UTRN: variants seen among roughly 807,000 people sequenced by gnomAD.
The protein encoded by UTRN is dystrophin-related protein 1.
Under a neutral mutation model 463.9 loss-of-function variants are expected in UTRN, and 283 were observed. The observed-to-expected ratio is 0.61, with a 90% CI of 0.55 to 0.67. The LOEUF (loss-of-function observed/expected upper bound fraction) is 0.67. UTRN is among the 30% of genes least tolerant of loss of function. The pLI is 0.00. For missense variants in UTRN, 3,922 were observed against 4,084.3 expected, an observed-to-expected ratio of 0.96 and a Z score of 1.08; for synonymous variants, 1,442 against 1,431.5, an observed-to-expected ratio of 1.01 and a Z score of -0.17.
rs373422658 is a variant in UTRN at position 144,511,088 on chromosome 6, C to T, written c.4909C>T (p.Arg1637Cys). 53 of 1,606,060 alleles carry T rather than the reference C, an allele frequency of 3.3e-5. No individual in the cohort carries two copies. Among genetic ancestry groups the T allele is most frequent in the East Asian group, 4.5e-5 (2 of 44,558 alleles). Reference protein sequence around the residue: ...CVLNAGWSRVRTWTEDWCNTL... With the variant: ...CVLNAGWSRVCTWTEDWCNTL... ...CCTTAACGCTGGGTGGAGCCGAGTT[C>T]GTACCTGGACTGAAGATTGGTGCAA... The change falls in exon 35 of 75, where the codon CGT becomes TGT. Residue 1637 changes from arginine (R) to cysteine (C), a missense_variant. Physicochemically the swap from Arg to Cys is radical, Grantham distance 180 (BLOSUM62 -3). Coordinates refer to ENST00000367545, the MANE Select transcript of UTRN (RefSeq NM_007124.3).
At chr6:144,306,383 G>A (rs1805739166) in intron 2 of UTRN, among the ~76,000 whole-genome samples, 1 of 152,070 alleles carries the variant, frequency 6.6e-6, no homozygotes, top group Admixed American at 6.5e-5. Flanking sequence ...CCAAAACTGA[G>A]ATTGAGGTAG....
chr6:144,301,367 T>C (rs1805229910), intron 2 of UTRN, among the ~76,000 whole-genome samples: 1 of 152,012 alleles, frequency 6.6e-6, no homozygotes, highest in Non-Finnish European at 1.5e-5. Flanking sequence ...TCGGAACACA[T>C]GCATATGCTT....
At chr6:144,465,024 G>C (rs1789800255) in intron 23 of UTRN, among the ~76,000 whole-genome samples, 1 of 152,180 alleles carries the variant, frequency 6.6e-6, no homozygotes, top group South Asian at 2.1e-4. Context: ...AAGACTTCCA[G>C]TGGGTAGAGG....
At chr6:144,471,083 G>A (rs1391689686) in intron 23 of UTRN, among the ~76,000 whole-genome samples, 1 of 115,712 alleles carries the variant, frequency 8.6e-6, no homozygotes, top group East Asian at 3.3e-4. Context: ...GGCGAGGGAG[G>A]GGGAGGGGGA....
At chr6:144,461,142 A>G in intron 21 of UTRN, 55 bp from the exon 22 acceptor site, 2 of 1,451,160 alleles carry the variant, frequency 1.4e-6, no homozygotes, top group South Asian at 2.9e-5. Flanking sequence ...TGGTCTATGT[A>G]ATAATATTGG....
intron 52 of UTRN, among the ~76,000 whole-genome samples, chr6:144,682,686 T>C (rs1230657076): frequency 6.6e-6 from 1 of 152,202 alleles, no homozygotes; most frequent in African/African-American, 2.4e-5. Flanking sequence ...TTTAACTAGA[T>C]TAGGTAAGTT....
rs982030909 is a variant in UTRN at position 144,782,176 on chromosome 6, A to G, written c.8834+53A>G. Reference sequence around the variant, plus strand: ...TACGATCACTGAATGAAATATGTTAATAGAAAATGTCTGATTTTTAAGTGA... The same window carrying G: ...TACGATCACTGAATGAAATATGTTAGTAGAAAATGTCTGATTTTTAAGTGA... On this transcript the variant is annotated intron_variant, in intron 61 of 74. Coordinates refer to ENST00000367545, the MANE Select transcript of UTRN (RefSeq NM_007124.3). The G allele has an allele frequency of 7.7e-6, 11 of 1,432,816 alleles. No individual in the cohort carries two copies. In the African/African-American group the frequency reaches 1.6e-4, roughly 20 times the overall value. The allele number at this position is 1,432,816 out of a possible 1,614,324, so 88.8% of individuals were successfully genotyped here.
chr6:144,437,576 G>A lies in UTRN; in HGVS notation c.1071G>A (p.Met357Ile), dbSNP rs758424247. The change falls in exon 11 of 75, where the codon ATG becomes ATA. Residue 357 changes from methionine to isoleucine, a missense_variant. Met to Ile is a conservative substitution (Grantham distance 10, BLOSUM62 1). Around this residue, in one of 3 missense-constraint regions of UTRN, gnomAD observed 2,349 missense variants for 2,303.8 expected, o/e 1.02. Coordinates refer to ENST00000367545, the MANE Select transcript of UTRN (RefSeq NM_007124.3). ...ATGTCCCTTTCTAGGCTTTTATGAT[G>A]GAACTGACTGCACACCAGAGCAGTG... ...DQFATHEAFM[M>I]ELTAHQSSVG... The A allele has an allele frequency of 1.9e-6, 3 of 1,604,998 alleles. No individual in the cohort carries two copies. The highest frequency in any genetic ancestry group is 2.5e-6 in the Non-Finnish European group (3 of 1,176,864).
chr6:144,744,003 A>T (rs1790390984), intron 54 of UTRN, among the ~76,000 whole-genome samples: 1 of 150,130 alleles, frequency 6.7e-6, no homozygotes. Context: ...AGTATAAGTA[A>T]GAGGCTAGGT....
At chr6:144,329,699 C>T (rs1776208115) in intron 2 of UTRN, among the ~76,000 whole-genome samples, 2 of 152,312 alleles carry the variant, frequency 1.3e-5, no homozygotes, top group Admixed American at 1.3e-4. Context: ...TGTTAGAGGT[C>T]AGTGAAAAGA....
chr6:144,429,804 T>A, intron 9 of UTRN, 63 bp downstream of exon 9: 1 of 1,544,044 alleles, frequency 6.5e-7, no homozygotes, highest in Non-Finnish European at 8.7e-7. Context: ...AGGTACTAGA[T>A]AAAAACACTT....
chr6:144,676,873 G>A (rs1781658018), intron 51 of UTRN, among the ~76,000 whole-genome samples: 1 of 152,094 alleles, frequency 6.6e-6, no homozygotes, highest in African/African-American at 2.4e-5. Flanking sequence ...TAATATCTTA[G>A]TGACCTCTGT....
chr6:144,761,652 AAATAAT>A (rs1225396949), intron 58 of UTRN, among the ~76,000 whole-genome samples: 4 of 151,848 alleles, frequency 2.6e-5, no homozygotes, highest in South Asian at 2.1e-4. Flanking sequence ...TCTCCTTAAA[AAATAAT>A]AATAATAATA....
chr6:144,836,983 T>C (rs930847904), intron 71 of UTRN: 2 of 170,682 alleles, frequency 1.2e-5, no homozygotes, highest in African/African-American at 4.8e-5. Context: ...TGGTTATTAA[T>C]TTGCTACTAT....
chr6:144,520,753 C>T lies in UTRN; in HGVS notation c.5542-1227C>T, dbSNP rs376924552. ...CAAGATCACTAACTGAATTAACATG[C>T]ATTTGTGATCGTTTTACCTATCATC... On this transcript the variant is annotated intron_variant, in intron 39 of 74. Transcript: ENST00000367545. Among the ~76,000 whole-genome samples, 219 of 152,284 alleles carry T rather than the reference C, an allele frequency of 1.4e-3. 2 individuals carry two copies. Among genetic ancestry groups the T allele is most frequent in the African/African-American group, 5.0e-3 (207 of 41,574 alleles).
At chr6:144,454,005 T>C (rs1291703359) in intron 19 of UTRN, 136 bp downstream of exon 19, 2 of 704,678 alleles carry the variant, frequency 2.8e-6, no homozygotes, top group Non-Finnish European at 4.5e-6. Flanking sequence ...AAAATGTTTT[T>C]AGGCAGCAGA....
chr6:144,456,461 TG>T (rs1188913736), intron 19 of UTRN, among the ~76,000 whole-genome samples: 1 of 152,030 alleles, frequency 6.6e-6, no homozygotes, highest in East Asian at 1.9e-4. Context: ...AACACCATCC[TG>T]GGCAACATGG....
chr6:144,364,360 C>T (rs1020466280), intron 2 of UTRN, among the ~76,000 whole-genome samples: 1 of 152,058 alleles, frequency 6.6e-6, no homozygotes, highest in Admixed American at 6.6e-5. Flanking sequence ...TATGTTTCCC[C>T]CTGAGAGGTA....
chr6:144,616,658 A>G (rs1232976950), intron 51 of UTRN, among the ~76,000 whole-genome samples: 2 of 152,020 alleles, frequency 1.3e-5, no homozygotes, highest in African/African-American at 2.4e-5. Flanking sequence ...TTTTATGTAT[A>G]TTATTATAGT....
Sources: allele counts gnomAD v4.1 joint callset (sites outside exome capture counted in the v4.1 genomes callset), GRCh38; gene constraint gnomAD v4.1.1; regional missense constraint gnomAD v4.1.1; transcripts MANE v1.5; gene names NCBI Gene and HGNC (gene_info 2026-07-23, HGNC 2026-07-21).